ADCY10: variants seen among roughly 807,000 people sequenced by gnomAD.
ADCY10 encodes adenylate cyclase 10.
In ADCY10, 156 loss-of-function variants were observed where a neutral mutation model predicts 183.3. The observed-to-expected ratio is 0.85, with a 90% CI of 0.75 to 0.97. The LOEUF (loss-of-function observed/expected upper bound fraction) is 0.97, where lower values mean the gene tolerates loss of function less well. Ranked by LOEUF, ADCY10 falls within the 50% of genes least tolerant of loss-of-function variation. ADCY10 has a pLI of 0.00. For synonymous variants in ADCY10, 645 were observed against 670.0 expected, an observed-to-expected ratio of 0.96 and a Z score of 0.58; for missense variants, 1,745 against 1,934.3, an observed-to-expected ratio of 0.90 and a Z score of 1.84.
chr1:167,872,698 T>A (rs1204187695), intron 13 of ADCY10, among the ~76,000 whole-genome samples: 1 of 150,696 alleles, frequency 6.6e-6, no homozygotes, highest in Non-Finnish European at 1.5e-5. Flanking sequence ...TGGTTATAGC[T>A]TGAAGGAAAG....
intron 24 of ADCY10, 69 bp from the exon 25 acceptor site, chr1:167,833,231 A>T (rs1357916559): frequency 2.8e-6 from 4 of 1,422,970 alleles, no homozygotes; most frequent in Non-Finnish European, 4.0e-6. Context: ...AGTAGGTCCC[A>T]ACAATCCATA....
In ADCY10 at chr1:167,860,982, G is replaced by A. The variant is rs780067996; in HGVS notation, c.1698C>T (p.Gly566=). The change falls in exon 15 of 33, where the codon GGC becomes GGT. Residue 566 remains glycine (G), a synonymous_variant. Transcript: ENST00000367851. ...CTTTATAATGTTTACAAGTGTCTAG[G>A]CCTAGGACATTGGCCATGAACATCT... ...TIQMFMANVL[G]LDTCKHYKER... is the part of the protein sequence containing the mutation. The A allele has an allele frequency of 6.2e-7, 1 of 1,614,056 alleles. No individual in the cohort carries two copies. The highest frequency in any genetic ancestry group is 8.5e-7 in the Non-Finnish European group (1 of 1,179,940).
chr1:167,818,244 T>A lies in ADCY10; in HGVS notation c.4310A>T (p.Asp1437Val). 3 of 1,614,172 alleles carry A rather than the reference T, an allele frequency of 1.9e-6. No homozygotes were observed. Among genetic ancestry groups the A allele is most frequent in the Non-Finnish European group, 2.5e-6 (3 of 1,180,016 alleles). The change falls in exon 31 of 33, where the codon GAC (aspartate) becomes GTC (valine). Residue 1437 changes from aspartate (D) to valine (V), a missense_variant. Coordinates refer to ENST00000367851, the MANE Select transcript of ADCY10 (RefSeq NM_018417.6). ...AIWYARLQEW[D>V]NFYKFSNRAK... Reference sequence around the variant, plus strand: ...TCTATTGGAAAATTTGTAAAAGTTGTCCCATTCCTGAAGTCTGGCATACCT... The same window carrying A: ...TCTATTGGAAAATTTGTAAAAGTTGACCCATTCCTGAAGTCTGGCATACCT...
At chr1:167,862,037 C>T (rs61806993) in intron 14 of ADCY10, among the ~76,000 whole-genome samples, 24,087 of 152,182 alleles carry the variant, frequency 0.16, 1,997 homozygotes, top group African/African-American at 0.21. Flanking sequence ...TCAATGAAAC[C>T]TCTTTTCTTT....
In ADCY10 at chr1:167,880,418, T is replaced by C; in HGVS notation, c.1139+73A>G. The C allele has an allele frequency of 5.2e-6, 6 of 1,145,620 alleles. No individual in the cohort carries two copies. In the South Asian group the frequency reaches 7.4e-5, roughly 14 times the overall value. 71.0% of individuals were successfully genotyped at this position (1,145,620 alleles called of 1,614,324 possible). Reference sequence around the variant, plus strand: ...TAATTAATTCTTCTTTCTTTCCTGTTCCCTGCATGCCCTCCCTACTTATGC... The same window carrying C: ...TAATTAATTCTTCTTTCTTTCCTGTCCCCTGCATGCCCTCCCTACTTATGC... On this transcript the variant is annotated intron_variant, in intron 10 of 32. Transcript: ENST00000367851.
chr1:167,898,805 G>A (rs1206791935), intron 6 of ADCY10, among the ~76,000 whole-genome samples: 1 of 152,032 alleles, frequency 6.6e-6, no homozygotes, highest in East Asian at 1.9e-4. Context: ...TCTTTCTGCC[G>A]CGTAGTCCCA....
At chr1:167,890,479 C>T (rs1668513540) in intron 8 of ADCY10, among the ~76,000 whole-genome samples, 1 of 152,144 alleles carries the variant, frequency 6.6e-6, no homozygotes, top group Non-Finnish European at 1.5e-5. Flanking sequence ...TTGTGGCTAC[C>T]ATCACTGAGA....
intron 25 of ADCY10, among the ~76,000 whole-genome samples, chr1:167,831,883 T>A (rs1209273803): frequency 6.6e-6 from 1 of 152,190 alleles, no homozygotes; most frequent in Non-Finnish European, 1.5e-5. Context: ...CTATGTGTAA[T>A]GCAAAGACCA....
chr1:167,809,665 T>C lies in ADCY10; in HGVS notation c.*13A>G. The C allele has an allele frequency of 6.2e-7, 1 of 1,613,986 alleles. No individual in the cohort carries two copies. Among genetic ancestry groups the C allele is most frequent in the East Asian group, 2.2e-5 (1 of 44,874 alleles). Reference sequence around the variant, plus strand: ...GGACATAGTGCTTATTAAAATCTTTTTTCTTTGACATGTTAGAAATGATTG... The same window carrying C: ...GGACATAGTGCTTATTAAAATCTTTCTTCTTTGACATGTTAGAAATGATTG... On this transcript the variant is annotated 3_prime_UTR_variant, in exon 33 of 33. Transcript: ENST00000367851.
intron 9 of ADCY10, among the ~76,000 whole-genome samples, 184 bp downstream of exon 9, chr1:167,883,253 G>A (rs950238196): frequency 6.6e-6 from 1 of 152,190 alleles, no homozygotes; most frequent in African/African-American, 2.4e-5. Context: ...GGCCAGTCTG[G>A]TCTTGAACTC....
At chr1:167,866,565 C>G (rs1383914130) in intron 14 of ADCY10, among the ~76,000 whole-genome samples, 2 of 147,542 alleles carry the variant, frequency 1.4e-5, no homozygotes, top group Non-Finnish European at 3.0e-5. Context: ...CCATCTATAC[C>G]AATTCTAAGT....
chr1:167,890,471 G>A (rs900761750), intron 8 of ADCY10, among the ~76,000 whole-genome samples: 1 of 152,114 alleles, frequency 6.6e-6, no homozygotes, highest in Non-Finnish European at 1.5e-5. Flanking sequence ...AAGCACCCTT[G>A]TGGCTACCAT....
chr1:167,869,512 C>A (rs1185520450), intron 14 of ADCY10, among the ~76,000 whole-genome samples: 1 of 152,126 alleles, frequency 6.6e-6, no homozygotes, highest in Non-Finnish European at 1.5e-5. Flanking sequence ...AGGCAGGTAG[C>A]CCGGCGCCTA....
intron 6 of ADCY10, among the ~76,000 whole-genome samples, chr1:167,897,496 C>CA (rs1333005456): frequency 4.4e-5 from 6 of 135,918 alleles, no homozygotes; most frequent in East Asian, 2.1e-4. Flanking sequence ...GATTCCATCT[C>CA]AAAAAAAAAT....
chr1:167,824,240 C>T (rs565216078), intron 28 of ADCY10, among the ~76,000 whole-genome samples: 4 of 152,092 alleles, frequency 2.6e-5, no homozygotes, highest in Non-Finnish European at 5.9e-5. Context: ...GGAGAATTGT[C>T]TAAACCCGGA....
At chr1:167,879,488 C>T (rs1346425319) in intron 11 of ADCY10, among the ~76,000 whole-genome samples, 4 of 152,084 alleles carry the variant, frequency 2.6e-5, no homozygotes, top group Non-Finnish European at 1.5e-5. Flanking sequence ...TCCATATACC[C>T]ATCACCCCAT....
chr1:167,891,481 C>G (rs904877762), intron 8 of ADCY10, among the ~76,000 whole-genome samples: 27 of 151,486 alleles, frequency 1.8e-4, no homozygotes, highest in African/African-American at 6.0e-4. Context: ...ACGGTGAAAC[C>G]CTGTCTCTAC....
Position 167,836,318 on chromosome 1 carries a change from A to G in ADCY10, c.3300T>C (p.Asp1100=). The change falls in exon 23 of 33, where the codon GAT becomes GAC. Residue 1100 remains aspartate, a synonymous_variant. Coordinates refer to ENST00000367851, the MANE Select transcript of ADCY10 (RefSeq NM_018417.6). ...EIASAYLIFC[D]NYMAYMYLNE... ...GGTAGAAACAGCTTACCATGTAGTT[A>G]TCACAAAAGATGAGATAAGCAGATG... The G allele has an allele frequency of 6.2e-7, 1 of 1,610,438 alleles. No individual in the cohort carries two copies. The highest frequency in any genetic ancestry group is 1.1e-5 in the South Asian group (1 of 90,990).
chr1:167,908,830 T>G (rs948714637), intron 1 of ADCY10, among the ~76,000 whole-genome samples: 1 of 152,220 alleles, frequency 6.6e-6, no homozygotes, highest in African/African-American at 2.4e-5. Context: ...TGTTTAGAGT[T>G]TTTAACAAAA....
Sources: allele counts gnomAD v4.1 joint callset (sites outside exome capture counted in the v4.1 genomes callset), GRCh38; gene constraint gnomAD v4.1.1; transcripts MANE v1.5; gene names NCBI Gene and HGNC (gene_info 2026-07-23, HGNC 2026-07-21).